NRP1: variants seen among roughly 807,000 people sequenced by gnomAD.
The protein encoded by NRP1 is neuropilin 1.
A neutral mutation model predicts 106.7 loss-of-function variants in NRP1; 35 were observed. The observed-to-expected ratio is 0.33, with a 90% CI of 0.25 to 0.43. The LOEUF is 0.43. Ranked by LOEUF, NRP1 falls within the 20% of genes least tolerant of loss-of-function variation. The probability of loss-of-function intolerance (pLI) is 1.00; values close to 1 mark genes in which losing one functional copy is unlikely to be tolerated. For missense variants in NRP1, 1,024 were observed against 1,170.4 expected, an observed-to-expected ratio of 0.87 and a Z score of 1.83; for synonymous variants, 437 against 417.9, an observed-to-expected ratio of 1.05 and a Z score of -0.56.
chr10:33,294,617 C>CAA (rs11403961), intron 2 of NRP1, among the ~76,000 whole-genome samples: 51,054 of 111,556 alleles, frequency 0.46, 11,517 homozygotes, highest in East Asian at 0.56. Context: ...AACTCCGTCT[C>CAA]AAAAAAAAAA....
At chr10:33,254,580 C>A (rs1588855492) in intron 5 of NRP1, among the ~76,000 whole-genome samples, 1 of 152,056 alleles carries the variant, frequency 6.6e-6, no homozygotes, top group African/African-American at 2.4e-5. Flanking sequence ...TAAATTATTT[C>A]TTTTAATATC....
At chr10:33,196,824 C>T (rs1226143114) in intron 12 of NRP1, among the ~76,000 whole-genome samples, 1 of 152,192 alleles carries the variant, frequency 6.6e-6, no homozygotes, top group Non-Finnish European at 1.5e-5. Context: ...ATATACACCA[C>T]ACGCCCCATT....
chr10:33,294,342 G>A (rs919965209), intron 2 of NRP1, among the ~76,000 whole-genome samples: 2 of 152,178 alleles, frequency 1.3e-5, no homozygotes, highest in African/African-American at 4.8e-5. Context: ...TCCTGGCCAG[G>A]CACAGTGGCT....
chr10:33,234,187 T>A (rs532513169), intron 6 of NRP1, among the ~76,000 whole-genome samples: 1 of 152,298 alleles, frequency 6.6e-6, no homozygotes, highest in East Asian at 1.9e-4. Context: ...GGGTTAAATT[T>A]ATGTACAGTG....
intron 6 of NRP1, among the ~76,000 whole-genome samples, chr10:33,248,222 G>A (rs975645403): frequency 2.0e-5 from 3 of 152,124 alleles, no homozygotes; most frequent in African/African-American, 7.2e-5. Flanking sequence ...CCCAGGAGGT[G>A]GAGGTTGCAG....
At position 33,254,071 on chromosome 10, in the gene NRP1, T is replaced by C; in HGVS notation, c.938A>G (p.Asn313Ser). The change falls in exon 6 of 17, where the codon AAT becomes AGT. Residue 313 changes from asparagine to serine, a missense_variant. Transcript: ENST00000374867. ...GGAATCCTCTCCGGGAGTCCACCCA[T>C]TCTCAGGGTAGTTCAGGCGGGAGCG... is the stretch of plus-strand genomic sequence containing the variant. ...AERSRLNYPENGWTPGEDSYR... is the reference protein window; with the variant it reads ...AERSRLNYPESGWTPGEDSYR... The C allele has an allele frequency of 6.2e-7, 1 of 1,613,756 alleles. No individual in the cohort carries two copies.
Position 33,270,761 on chromosome 10 carries a change from G to A in NRP1, c.344C>T (p.Ser115Leu). The part of the protein sequence containing the change: ...GKIAPPPVVS[S>L]GPFLFIKFVS... ...AAATTTGATAAAAAGAAATGGCCCT[G>A]AAGACACAACAGGAGGAGGGGCTAT... The change falls in exon 3 of 17, where the codon TCA becomes TTA. Residue 115 changes from serine to leucine, a missense_variant. Physicochemically the swap from Ser to Leu is moderately radical, Grantham distance 145 (BLOSUM62 -2). Around this residue, in one of 5 missense-constraint regions of NRP1, gnomAD observed 279 missense variants for 327.4 expected, o/e 0.85. Coordinates refer to ENST00000374867, the MANE Select transcript of NRP1 (RefSeq NM_003873.7). The A allele has an allele frequency of 6.2e-7, 1 of 1,613,938 alleles. No homozygotes were observed. Among genetic ancestry groups the A allele is most frequent in the Non-Finnish European group, 8.5e-7 (1 of 1,179,922 alleles).
chr10:33,232,505 G>A (rs374279609), intron 6 of NRP1, among the ~76,000 whole-genome samples: 7 of 152,200 alleles, frequency 4.6e-5, no homozygotes, highest in African/African-American at 1.7e-4. Flanking sequence ...TGCATTCACT[G>A]AAATTGTTGA....
chr10:33,321,841 T>C (rs187759660), intron 2 of NRP1, among the ~76,000 whole-genome samples: 4 of 152,286 alleles, frequency 2.6e-5, no homozygotes, highest in Admixed American at 2.6e-4. Flanking sequence ...GACTGGAAGC[T>C]CTCTCCGTGA....
At chr10:33,226,419 G>T in intron 6 of NRP1, 130 bp from the exon 7 acceptor site, 2 of 879,720 alleles carry the variant, frequency 2.3e-6, no homozygotes, top group Non-Finnish European at 1.7e-6. Flanking sequence ...TCCATCGGGT[G>T]TCCACAGTCC....
At chr10:33,281,209 C>T (rs1844103342) in intron 2 of NRP1, among the ~76,000 whole-genome samples, 3 of 151,978 alleles carry the variant, frequency 2.0e-5, no homozygotes, top group African/African-American at 7.2e-5. Context: ...ACCACCACAC[C>T]CAGCTAATTT....
At chr10:33,208,849 A>G in intron 9 of NRP1, among the ~76,000 whole-genome samples, 1 of 151,822 alleles carries the variant, frequency 6.6e-6, no homozygotes, top group African/African-American at 2.4e-5. Context: ...ACTGAAAAAA[A>G]TCTCTAAGGT....
chr10:33,224,826 T>A (rs1182075391), intron 7 of NRP1, among the ~76,000 whole-genome samples: 2 of 152,174 alleles, frequency 1.3e-5, no homozygotes, highest in Non-Finnish European at 2.9e-5. Context: ...GTTGTTTGGT[T>A]TTCTCCTCCT....
At chr10:33,185,857 A>T (rs745582194) in intron 14 of NRP1, 133 bp from the exon 15 acceptor site, 1 of 759,922 alleles carries the variant, frequency 1.3e-6, no homozygotes, top group Non-Finnish European at 2.2e-6. Flanking sequence ...GACTTCACTC[A>T]TCAATCCACA....
intron 7 of NRP1, among the ~76,000 whole-genome samples, 164 bp downstream of exon 7, chr10:33,225,970 G>C (rs935577886): frequency 2.0e-5 from 3 of 152,152 alleles, no homozygotes; most frequent in Admixed American, 6.5e-5. Flanking sequence ...CTGGATCTGG[G>C]AACATGAGAC....
chr10:33,199,365 T>TTATATATATATATATATA lies in NRP1; in HGVS notation c.1865-1657_1865-1656insTATATATATATATATATA, dbSNP rs57582967. Among the ~76,000 whole-genome samples, 139 of 64,258 alleles carry TTATATATATATATATATA rather than the reference T, an allele frequency of 2.2e-3. 2 individuals carry two copies. Among genetic ancestry groups the TTATATATATATATATATA allele is most frequent in the East Asian group, 3.1e-3 (2 of 642 alleles). The allele number at this position is 64,258 out of a possible 152,430, so 42.2% of individuals were successfully genotyped here. On this transcript the variant is annotated intron_variant, in intron 11 of 16. Coordinates refer to ENST00000374867, the MANE Select transcript of NRP1 (RefSeq NM_003873.7). Reference sequence around the variant, plus strand: ...GTGTGCGCCACCATGCCTGGCTGTTTTCTATATATATATATATATATATAT... The same window carrying TTATATATATATATATATA: ...GTGTGCGCCACCATGCCTGGCTGTTTTATATATATATATATATATCTATATATATATATATATATATAT...
At chr10:33,262,625 C>T (rs561914521) in intron 4 of NRP1, among the ~76,000 whole-genome samples, 1 of 150,148 alleles carries the variant, frequency 6.7e-6, no homozygotes, top group South Asian at 2.1e-4. Flanking sequence ...ATTGCTTGAA[C>T]CTGGGAGGCG....
At chr10:33,253,051 C>A (rs746961824) in intron 6 of NRP1, among the ~76,000 whole-genome samples, 3 of 147,074 alleles carry the variant, frequency 2.0e-5, no homozygotes, top group African/African-American at 7.6e-5. Context: ...CATTTTATAT[C>A]TAGCAATAAA....
chr10:33,252,853 T>A (rs1449282036), intron 6 of NRP1, among the ~76,000 whole-genome samples: 1 of 152,248 alleles, frequency 6.6e-6, no homozygotes. Context: ...TAGCGTGAGT[T>A]CAGTCTCCTG....
Sources: allele counts gnomAD v4.1 joint callset (sites outside exome capture counted in the v4.1 genomes callset), GRCh38; gene constraint gnomAD v4.1.1; regional missense constraint gnomAD v4.1.1; transcripts MANE v1.5; gene names NCBI Gene and HGNC (gene_info 2026-07-23, HGNC 2026-07-21).